Variants in ANKRD36C observed in about 807,000 individuals in gnomAD.
ANKRD36C encodes the protein ankyrin repeat domain 36C.
Under a neutral mutation model 276.4 loss-of-function variants are expected in ANKRD36C, and 61 were observed. That is an observed-to-expected ratio of 0.22 (90% CI 0.18 to 0.27). ANKRD36C has a LOEUF of 0.27. Among genes scored for constraint, ANKRD36C ranks in the 10% least tolerant of loss-of-function variants. The pLI, the probability that ANKRD36C is intolerant of heterozygous loss-of-function variation, is 1.00. For missense variants in ANKRD36C, 1,447 were observed against 2,032.3 expected, an observed-to-expected ratio of 0.71 and a Z score of 5.54; for synonymous variants, 483 against 680.1, an observed-to-expected ratio of 0.71 and a Z score of 4.51.
At chr2:95,919,804 G>C in intron 34 of ANKRD36C, 1 of 1,428,820 alleles carries the variant, frequency 7.0e-7, no homozygotes. Context: ...GTCAGTTGTA[G>C]CCTGAATGGA....
At chr2:95,914,711 A>G (rs1433031866) in intron 38 of ANKRD36C, among the ~76,000 whole-genome samples, 3 of 151,466 alleles carry the variant, frequency 2.0e-5, no homozygotes, top group African/African-American at 7.3e-5. Flanking sequence ...ACACCATTAT[A>G]CTACAAACAT....
At chr2:95,871,299 C>A (rs1675805684) in intron 59 of ANKRD36C, among the ~76,000 whole-genome samples, 1 of 152,148 alleles carries the variant, frequency 6.6e-6, no homozygotes, top group South Asian at 2.1e-4. Context: ...AGAAGCCCAT[C>A]AGACTAACAG....
At chr2:95,940,123 A>C (rs1460900572) in intron 20 of ANKRD36C, among the ~76,000 whole-genome samples, 1 of 152,232 alleles carries the variant, frequency 6.6e-6, no homozygotes, top group African/African-American at 2.4e-5. Flanking sequence ...GGTTCAAGTG[A>C]TTCTCCTGCC....
chr2:95,918,163 C>G (rs1199869390), intron 34 of ANKRD36C, 121 bp from the exon 37 acceptor site: 4 of 1,452,008 alleles, frequency 2.8e-6, no homozygotes, highest in Non-Finnish European at 3.7e-6. Context: ...GCTCTGATGT[C>G]TTCTACTTTG....
intron 52 of ANKRD36C, among the ~76,000 whole-genome samples, chr2:95,884,953 C>G (rs1378634111): frequency 6.6e-6 from 1 of 151,980 alleles, no homozygotes; most frequent in Non-Finnish European, 1.5e-5. Flanking sequence ...CTCACACCCA[C>G]GTGGTGTAAT....
rs1677557881 is a variant in ANKRD36C, at chr2:95,931,158, T to G, written c.1736-1891A>C. On this transcript the variant is annotated intron_variant, in intron 24 of 66. Coordinates refer to ENST00000456556, the Ensembl canonical transcript of ANKRD36C. Reference sequence around the variant, plus strand: ...TATTGTGACATCTGTACAATCCCATTCTGACACATGTGAAGATAAGGTTTT... The same window carrying G: ...TATTGTGACATCTGTACAATCCCATGCTGACACATGTGAAGATAAGGTTTT... 5.3e-5 allele frequency among the ~76,000 whole-genome samples: 8 copies of G among 151,756 alleles called. No individual in the cohort carries two copies. The South Asian group carries it at 1.4e-3, about 28-fold the overall frequency.
intron 59 of ANKRD36C, among the ~76,000 whole-genome samples, chr2:95,872,071 G>A (rs1194890116): frequency 2.7e-5 from 4 of 146,898 alleles, no homozygotes; most frequent in Non-Finnish European, 4.5e-5. Context: ...AATAATGGGA[G>A]ACTTTAACAT....
intron 12 of ANKRD36C, among the ~76,000 whole-genome samples, chr2:95,957,149 C>A (rs1010148997): frequency 1.3e-5 from 2 of 152,282 alleles, no homozygotes; most frequent in African/African-American, 4.8e-5. Context: ...AAGCCGGTCT[C>A]TAGTAAAAAT....
At chr2:95,883,284 C>G (rs1335812122) in intron 54 of ANKRD36C, among the ~76,000 whole-genome samples, 1 of 151,946 alleles carries the variant, frequency 6.6e-6, no homozygotes, top group Non-Finnish European at 1.5e-5. Context: ...GAAATTACTC[C>G]AATATTCATT....
chr2:95,948,220 T>C (rs868572428), intron 17 of ANKRD36C, among the ~76,000 whole-genome samples: 2 of 152,176 alleles, frequency 1.3e-5, no homozygotes, highest in Non-Finnish European at 2.9e-5. Flanking sequence ...CAGATAAGCC[T>C]AGACCAAAAT....
chr2:95,874,637 A>C (rs1190992620), intron 59 of ANKRD36C, among the ~76,000 whole-genome samples: 1 of 152,230 alleles, frequency 6.6e-6, no homozygotes, highest in Non-Finnish European at 1.5e-5. Context: ...TTCATGTCTA[A>C]AACACCAACA....
At chr2:95,910,314 G>A (rs1432109011) in intron 42 of ANKRD36C, 59 bp downstream of exon 46, 1 of 1,485,224 alleles carries the variant, frequency 6.7e-7, no homozygotes, top group African/African-American at 1.4e-5. Flanking sequence ...TTTATTTGGA[G>A]AAGAGAACTT....
intron 60 of ANKRD36C, among the ~76,000 whole-genome samples, chr2:95,866,451 C>A (rs1403504167): frequency 6.6e-6 from 1 of 152,106 alleles, no homozygotes; most frequent in Non-Finnish European, 1.5e-5. Context: ...AAACATCAAC[C>A]TACTTTTTTA....
At chr2:95,858,711 T>C (rs953520517) in intron 61 of ANKRD36C, among the ~76,000 whole-genome samples, 4 of 152,216 alleles carry the variant, frequency 2.6e-5, no homozygotes, top group African/African-American at 9.6e-5. Flanking sequence ...TCGATGTCTT[T>C]ATGAAACATA....
intron 28 of ANKRD36C, 124 bp downstream of exon 28, chr2:95,927,090 G>A: frequency 1.4e-6 from 2 of 1,392,646 alleles, no homozygotes; most frequent in Non-Finnish European, 2.0e-6. Flanking sequence ...GAGAACTGAA[G>A]AATCTCAGGC....
In ANKRD36C at chr2:95,884,090, G is replaced by A. The variant is rs192753870; in HGVS notation, c.3265+83C>T. On this transcript the variant is annotated intron_variant, in intron 54 of 66. Coordinates refer to ENST00000456556, the Ensembl canonical transcript of ANKRD36C. ...CAGAATCAGAATGTGCAGCTTCGAC[G>A]AGCCCTCCGTTGATTTATTTGGGAA... 2.1e-3 allele frequency: 3,005 copies of A among 1,444,934 alleles called. 8 individuals are homozygous for A. The highest frequency in any genetic ancestry group is 2.6e-3 in the Non-Finnish European group (2,778 of 1,053,852). The allele number at this position is 1,444,934 out of a possible 1,614,324, so 89.5% of individuals were successfully genotyped here.
Position 95,890,730 on chromosome 2 carries a change from C to T in ANKRD36C, c.2858-736G>A, listed in dbSNP as rs184725258. ...ATAATTCTTCAAAGTAAAACTGCTA[C>T]AAGCATTAGATATTAATCAGTTTTT... On this transcript the variant is annotated intron_variant, in intron 46 of 66. Coordinates refer to ENST00000456556, the Ensembl canonical transcript of ANKRD36C. Among the ~76,000 whole-genome samples the T allele has an allele frequency of 1.3e-3, 203 of 151,658 alleles. 1 individual carries two copies. Among genetic ancestry groups the T allele is most frequent in the Middle Eastern group, 0.01 (3 of 294 alleles).
intron 26 of ANKRD36C, 102 bp from the exon 27 acceptor site, chr2:95,927,511 C>A: frequency 6.5e-7 from 1 of 1,534,756 alleles, no homozygotes; most frequent in Non-Finnish European, 8.7e-7. Flanking sequence ...CCTGCCTGTA[C>A]TAGTGTAGGC....
At chr2:95,896,355 T>C (rs1282649438) in intron 44 of ANKRD36C, among the ~76,000 whole-genome samples, 3 of 148,776 alleles carry the variant, frequency 2.0e-5, no homozygotes, top group African/African-American at 7.4e-5. Context: ...TTAATCAGTT[T>C]TTCATTCAGA....
Sources: gnomAD v4.1 joint callset for allele counts (sites outside exome capture counted in the v4.1 genomes callset) on GRCh38, gnomAD v4.1.1 for gene constraint, MANE v1.5 for transcripts, NCBI Gene and HGNC (gene_info 2026-07-23, HGNC 2026-07-21) for gene names.